Variants in FGGY observed in about 807,000 individuals in gnomAD.
The protein encoded by FGGY is FGGY carbohydrate kinase domain-containing protein.
A neutral mutation model predicts 71.3 loss-of-function variants in FGGY; 72 were observed. That is an observed-to-expected ratio of 1.01 (90% CI 0.84 to 1.23). FGGY has a LOEUF of 1.23. FGGY is among the 50% of genes most tolerant of loss of function. The pLI is 0.00. For missense variants in FGGY, 668 were observed against 682.3 expected, an observed-to-expected ratio of 0.98 and a Z score of 0.23; for synonymous variants, 251 against 250.3, an observed-to-expected ratio of 1.00 and a Z score of -0.02.
intron 6 of FGGY, among the ~76,000 whole-genome samples, chr1:59,498,368 T>C (rs1197464535): frequency 6.6e-6 from 1 of 152,180 alleles, no homozygotes; most frequent in Admixed American, 6.5e-5. Flanking sequence ...TAACATTTAT[T>C]TTCTTTGGAT....
intron 11 of FGGY, among the ~76,000 whole-genome samples, chr1:59,640,533 G>A (rs1207850120): frequency 1.3e-5 from 2 of 152,120 alleles, no homozygotes; most frequent in Non-Finnish European, 2.9e-5. Flanking sequence ...TTGAAAAAAT[G>A]TTAATAGGAA....
rs896751658 is a variant in FGGY, at chr1:59,357,309, C to T, written c.465+10911C>T. 2.7e-5 allele frequency among the ~76,000 whole-genome samples: 4 copies of T among 150,542 alleles called. No homozygotes were observed. In the East Asian group the frequency reaches 7.7e-4, roughly 29 times the overall value. On this transcript the variant is annotated intron_variant, in intron 4 of 15. Transcript: ENST00000303721. ...AAGAAAAAAAGTTGTTGGCCAGATA[C>T]CTTGTAACATTTAATAAATGTCAGC...
intron 14 of FGGY, among the ~76,000 whole-genome samples, chr1:59,681,911 A>G (rs1165943080): frequency 6.6e-6 from 1 of 152,202 alleles, no homozygotes; most frequent in African/African-American, 2.4e-5. Context: ...ATTTAGGCAG[A>G]TGATCAAGAA....
chr1:59,628,655 A>C (rs1476674723), intron 10 of FGGY, among the ~76,000 whole-genome samples: 1 of 152,238 alleles, frequency 6.6e-6, no homozygotes, highest in Non-Finnish European at 1.5e-5. Context: ...AAGTCTAAAA[A>C]ATAATGAATG....
intron 1 of FGGY, among the ~76,000 whole-genome samples, chr1:59,306,163 A>G (rs1475261763): frequency 6.6e-6 from 1 of 152,086 alleles, no homozygotes; most frequent in Non-Finnish European, 1.5e-5. Context: ...CAGGGAGGTA[A>G]ATATGGTTCC....
At chr1:59,735,166 C>T (rs1399188033) in intron 14 of FGGY, among the ~76,000 whole-genome samples, 1 of 152,150 alleles carries the variant, frequency 6.6e-6, no homozygotes, top group African/African-American at 2.4e-5. Flanking sequence ...CACACATACG[C>T]ACACAAAAAC....
intron 8 of FGGY, among the ~76,000 whole-genome samples, chr1:59,559,057 T>C (rs1416788074): frequency 2.6e-5 from 4 of 152,192 alleles, no homozygotes; most frequent in African/African-American, 9.7e-5. Flanking sequence ...GGTGCACTGA[T>C]TTCATATTGT....
intron 6 of FGGY, among the ~76,000 whole-genome samples, chr1:59,487,813 C>G (rs571979979): frequency 6.6e-6 from 1 of 152,230 alleles, no homozygotes; most frequent in Non-Finnish European, 1.5e-5. Context: ...ACCCCCTCCC[C>G]CTTGCCCCAA....
chr1:59,462,107 G>A (rs1296790302), intron 6 of FGGY, among the ~76,000 whole-genome samples: 3 of 152,014 alleles, frequency 2.0e-5, no homozygotes, highest in Non-Finnish European at 4.4e-5. Context: ...ATAGTTTACA[G>A]AGATATAGAT....
At chr1:59,638,670 A>C (rs943836229) in intron 11 of FGGY, among the ~76,000 whole-genome samples, 1 of 152,170 alleles carries the variant, frequency 6.6e-6, no homozygotes, top group Non-Finnish European at 1.5e-5. Context: ...CATTTATATC[A>C]GTTTGTAAAG....
At chr1:59,312,191 G>T (rs1295554631) in intron 1 of FGGY, among the ~76,000 whole-genome samples, 1 of 152,004 alleles carries the variant, frequency 6.6e-6, no homozygotes, top group Non-Finnish European at 1.5e-5. Flanking sequence ...ATTTTCTCCC[G>T]TTCTGTAAGT....
rs991404755 is a variant in FGGY, at chr1:59,742,071, C to G, written c.1513-15860C>G. 7.2e-5 allele frequency among the ~76,000 whole-genome samples: 11 copies of G among 152,302 alleles called. No homozygotes were observed. The South Asian group carries it at 2.3e-3, about 32-fold the overall frequency. On this transcript the variant is annotated intron_variant, in intron 14 of 15. Transcript: ENST00000303721. ...TGAGCTATGATCATGCCACTGCACT[C>G]CAGCCTCGGTGACAGAGCAAAACCC... is the stretch of plus-strand genomic sequence containing the variant.
At chr1:59,311,059 T>G (rs2044226569) in intron 1 of FGGY, among the ~76,000 whole-genome samples, 1 of 152,116 alleles carries the variant, frequency 6.6e-6, no homozygotes, top group Admixed American at 6.5e-5. Context: ...TCAGGTAGTC[T>G]GTATTAACTG....
chr1:59,761,815 T>C (rs529953597), intron 15 of FGGY, among the ~76,000 whole-genome samples: 1 of 152,304 alleles, frequency 6.6e-6, no homozygotes, highest in East Asian at 1.9e-4. Flanking sequence ...AACCTAGATG[T>C]GGAATCTGCA....
At chr1:59,497,754 A>G (rs569415219) in intron 6 of FGGY, among the ~76,000 whole-genome samples, 1 of 152,330 alleles carries the variant, frequency 6.6e-6, no homozygotes, top group East Asian at 1.9e-4. Context: ...GCCAGAGAGA[A>G]TGAACAATTC....
chr1:59,401,157 A>G (rs1274488977), intron 5 of FGGY, among the ~76,000 whole-genome samples: 1 of 152,152 alleles, frequency 6.6e-6, no homozygotes, highest in African/African-American at 2.4e-5. Flanking sequence ...TTATCCTGTT[A>G]AATTATTTAA....
chr1:59,505,591 T>G (rs2094357613), intron 6 of FGGY, among the ~76,000 whole-genome samples: 2 of 152,166 alleles, frequency 1.3e-5, no homozygotes, highest in African/African-American at 4.8e-5. Context: ...TTCTGACATT[T>G]CCATGGGCCT....
chr1:59,526,486 A>C (rs780097254), intron 7 of FGGY, among the ~76,000 whole-genome samples: 2 of 152,200 alleles, frequency 1.3e-5, no homozygotes, highest in Non-Finnish European at 2.9e-5. Flanking sequence ...AGCTGGTGGA[A>C]ATGGGAGATC....
chr1:59,734,000 G>C (rs2098074994), intron 14 of FGGY, among the ~76,000 whole-genome samples: 1 of 152,182 alleles, frequency 6.6e-6, no homozygotes, highest in Non-Finnish European at 1.5e-5. Context: ...AGTAGCTCTG[G>C]CTTCCCAGGG....
Sources: gnomAD v4.1 joint callset for allele counts (sites outside exome capture counted in the v4.1 genomes callset) on GRCh38, gnomAD v4.1.1 for gene constraint, MANE v1.5 for transcripts, NCBI Gene and HGNC (gene_info 2026-07-23, HGNC 2026-07-21) for gene names.